CCDC68: variants seen among roughly 807,000 people sequenced by gnomAD.
The protein encoded by CCDC68 is coiled-coil domain containing 68.
In CCDC68, 45 loss-of-function variants were observed where a neutral mutation model predicts 47.1. That is an observed-to-expected ratio of 0.96 (90% confidence interval 0.75 to 1.23). CCDC68 has a LOEUF of 1.23. CCDC68 is among the 50% of genes most tolerant of loss of function. CCDC68 has a pLI of 0.00. For synonymous variants in CCDC68, 131 were observed against 129.5 expected (o/e 1.01, Z -0.08); for missense variants, 353 against 373.6 (o/e 0.94, Z 0.45).
At chr18:54,905,696 C>G (rs1472440379) in intron 11 of CCDC68, among the ~76,000 whole-genome samples, 1 of 152,132 alleles carries the variant, frequency 6.6e-6, no homozygotes, top group Admixed American at 6.5e-5. Flanking sequence ...AAATGTGAGT[C>G]CTGCCTTTAT....
intron 4 of CCDC68, among the ~76,000 whole-genome samples, chr18:54,939,627 G>C (rs1328220240): frequency 6.6e-6 from 1 of 152,084 alleles, no homozygotes; most frequent in East Asian, 1.9e-4. Flanking sequence ...CAGACACATG[G>C]CAACACAGTG....
chr18:54,942,140 G>C (rs976511977), intron 3 of CCDC68, among the ~76,000 whole-genome samples: 1 of 152,186 alleles, frequency 6.6e-6, no homozygotes, highest in South Asian at 2.1e-4. Context: ...TCTGTTGTAA[G>C]AAACAGTTAA....
intron 1 of CCDC68, among the ~76,000 whole-genome samples, chr18:54,956,933 AAAAT>A (rs2044721403): frequency 1.3e-5 from 2 of 152,228 alleles, no homozygotes; most frequent in Non-Finnish European, 2.9e-5. Flanking sequence ...TTTTTAAAAA[AAAAT>A]ACAGAAGGAA....
chr18:54,913,891 G>A (rs538947602), intron 10 of CCDC68, among the ~76,000 whole-genome samples: 1 of 152,100 alleles, frequency 6.6e-6, no homozygotes, highest in African/African-American at 2.4e-5. Flanking sequence ...CTATATTTAG[G>A]TATTTGGATA....
intron 10 of CCDC68, among the ~76,000 whole-genome samples, chr18:54,908,287 T>C (rs1275664361): frequency 6.6e-6 from 1 of 152,232 alleles, no homozygotes; most frequent in Non-Finnish European, 1.5e-5. Flanking sequence ...TGCTCTTTAC[T>C]ATTAATATAA....
chr18:54,915,172 G>A (rs530006561), intron 10 of CCDC68, among the ~76,000 whole-genome samples: 34 of 152,308 alleles, frequency 2.2e-4, no homozygotes, highest in Admixed American at 3.3e-4. Flanking sequence ...AAAGCAGTAA[G>A]CTATTGGAGC....
chr18:54,904,292 G>T lies in CCDC68; in HGVS notation c.*66C>A. ...TTTTGCCATTTTAACATGAAACTTGGGCTGTGTTTCAGAGAATAAATAAGA... is the reference window on the plus strand; with the variant it reads ...TTTTGCCATTTTAACATGAAACTTGTGCTGTGTTTCAGAGAATAAATAAGA... On this transcript the variant is annotated 3_prime_UTR_variant, in exon 12 of 12. Coordinates refer to ENST00000591504, the MANE Select transcript of CCDC68 (RefSeq NM_025214.3). 2 of 1,261,626 alleles carry T rather than the reference G, an allele frequency of 1.6e-6. No individual in the cohort carries two copies. The highest frequency in any genetic ancestry group is 2.3e-6 in the Non-Finnish European group (2 of 868,580). The allele number at this position is 1,261,626 out of a possible 1,614,324, so 78.2% of individuals were successfully genotyped here. A position where few individuals can be genotyped will look rare whatever the true frequency, so the allele number is the denominator to read the frequency against.
intron 11 of CCDC68, among the ~76,000 whole-genome samples, 163 bp downstream of exon 11, chr18:54,907,623 T>C (rs1349056613): frequency 1.3e-5 from 2 of 152,194 alleles, no homozygotes; most frequent in Non-Finnish European, 2.9e-5. Flanking sequence ...GAGGATTAAA[T>C]GATGAACAAG....
At chr18:54,952,412 G>A (rs2044634129) in intron 1 of CCDC68, among the ~76,000 whole-genome samples, 1 of 152,072 alleles carries the variant, frequency 6.6e-6, no homozygotes, top group Non-Finnish European at 1.5e-5. Flanking sequence ...CATAATTTAT[G>A]TCATTTAAAA....
At position 54,934,816 on chromosome 18, in the gene CCDC68, G is replaced by T. The variant is rs371162704; in HGVS notation, c.600+4C>A. ...GAAAATCCTCTAATTCTCCAGGGGC[G>T]TACCTTTTCCATTCTCTGTACAAGG... is the stretch of plus-strand genomic sequence containing the variant. On this transcript the variant is annotated splice_donor_region_variant and intron_variant, in intron 7 of 11. Coordinates refer to ENST00000591504, the MANE Select transcript of CCDC68 (RefSeq NM_025214.3). The T allele has an allele frequency of 7.3e-6, 11 of 1,509,016 alleles. No individual in the cohort carries two copies. Among genetic ancestry groups the T allele is most frequent in the Non-Finnish European group, 9.7e-6 (11 of 1,130,380 alleles). 93.5% of individuals were successfully genotyped at this position (1,509,016 alleles called of 1,614,324 possible).
rs528914392 is a variant in CCDC68, at chr18:54,950,258, A to G, written c.-102-4781T>C. Reference sequence around the variant, plus strand: ...ATTTTATAGAGCTTGAATATTAGAAACTGAAAAAGTAAGTCACTACAAAAG... The same window carrying G: ...ATTTTATAGAGCTTGAATATTAGAAGCTGAAAAAGTAAGTCACTACAAAAG... On this transcript the variant is annotated intron_variant, in intron 1 of 11. Transcript: ENST00000591504. 3.9e-5 allele frequency among the ~76,000 whole-genome samples: 6 copies of G among 152,310 alleles called. No individual in the cohort carries two copies. In the East Asian group the frequency reaches 1.2e-3, roughly 29 times the overall value.
At chr18:54,936,366 G>GT (rs1352319133) in intron 6 of CCDC68, among the ~76,000 whole-genome samples, 1 of 149,454 alleles carries the variant, frequency 6.7e-6, no homozygotes, top group Non-Finnish European at 1.5e-5. Flanking sequence ...TTTGTTTTCT[G>GT]TTTTTTTAAA....
chr18:54,921,255 A>C (rs1255320596), intron 8 of CCDC68, among the ~76,000 whole-genome samples: 1 of 152,186 alleles, frequency 6.6e-6, no homozygotes, highest in African/African-American at 2.4e-5. Flanking sequence ...CTGGCTACCT[A>C]GGTGACAGAT....
At chr18:54,932,522 C>A (rs56313477) in intron 7 of CCDC68, among the ~76,000 whole-genome samples, 34,545 of 151,920 alleles carry the variant, frequency 0.23, 4,350 homozygotes, top group African/African-American at 0.35. Flanking sequence ...TAAAACTGCA[C>A]ATTTCCCCTC....
intron 1 of CCDC68, among the ~76,000 whole-genome samples, chr18:54,950,803 T>TATATATATATATATA (rs35471289): frequency 2.4e-4 from 21 of 87,200 alleles, no homozygotes; most frequent in South Asian, 1.4e-3. Flanking sequence ...TATATATATA[T>TATATATATATATATA]GATGCAATAA....
chr18:54,932,202 T>G (rs77565291), intron 7 of CCDC68, among the ~76,000 whole-genome samples: 2 of 151,762 alleles, frequency 1.3e-5, no homozygotes, highest in South Asian at 2.1e-4. Flanking sequence ...TTTTTTTTTT[T>G]GAGACAGAGT....
intron 1 of CCDC68, among the ~76,000 whole-genome samples, chr18:54,947,081 C>T (rs565090758): frequency 1.3e-5 from 2 of 152,220 alleles, no homozygotes; most frequent in South Asian, 2.1e-4. Context: ...GAACATAAGC[C>T]GGCGAAGTCC....
rs375675674 is a variant in CCDC68, at chr18:54,957,627, A to ACACTCT, written c.-103+1708_-103+1709insAGAGTG. ...AAACAATGTACACACACACACACAC[A>ACACTCT]CTCTCTCTCTCTCTCTCTCTCTCTC... On this transcript the variant is annotated intron_variant, in intron 1 of 11. Transcript: ENST00000591504. 7.1e-3 allele frequency among the ~76,000 whole-genome samples: 1,026 copies of ACACTCT among 143,836 alleles called. 9 individuals are homozygous for ACACTCT. The highest frequency in any genetic ancestry group is 0.024 in the African/African-American group (907 of 38,586). The allele number at this position is 143,836 out of a possible 152,430, so 94.4% of individuals were successfully genotyped here.
chr18:54,939,599 G>T (rs1348989158), intron 4 of CCDC68, among the ~76,000 whole-genome samples: 3 of 152,084 alleles, frequency 2.0e-5, no homozygotes, highest in Non-Finnish European at 4.4e-5. Flanking sequence ...GACCTTCTGT[G>T]GTTTGAGGTG....
Sources: allele counts gnomAD v4.1 joint callset (sites outside exome capture counted in the v4.1 genomes callset), GRCh38; gene constraint gnomAD v4.1.1; transcripts MANE v1.5; gene names NCBI Gene and HGNC (gene_info 2026-07-23, HGNC 2026-07-21).